ZMYM5: variants seen among roughly 807,000 people sequenced by gnomAD.
The protein encoded by ZMYM5 is zinc finger MYM-type protein 5.
In ZMYM5, 41 loss-of-function variants were observed where a neutral mutation model predicts 61.8. That is an observed-to-expected ratio of 0.66 (90% confidence interval 0.52 to 0.86). ZMYM5 has a LOEUF of 0.86. ZMYM5 is among the 40% of genes least tolerant of loss of function. The pLI, the probability that ZMYM5 is intolerant of heterozygous loss-of-function variation, is 0.00. For missense variants in ZMYM5, 706 were observed against 786.7 expected (o/e 0.90, Z 1.23); for synonymous variants, 257 against 276.4 (o/e 0.93, Z 0.70).
At chr13:19,827,559 T>C (rs1890971609) in intron 7 of ZMYM5, among the ~76,000 whole-genome samples, 1 of 152,230 alleles carries the variant, frequency 6.6e-6, no homozygotes, top group Non-Finnish European at 1.5e-5. Context: ...CAAAGTAGTA[T>C]GTATGTTTAT....
At position 19,836,817 on chromosome 13, in the gene ZMYM5, CTT is replaced by C. The variant is rs200980526; in HGVS notation, c.1038+837_1038+838del. ...CAACACCAAATTTAGTTACCAAAGA[CTT>C]TTATAAAGTGAGGACTGCCTGCATG... On this transcript the variant is annotated intron_variant, in intron 6 of 7. Coordinates refer to ENST00000337963, the MANE Select transcript of ZMYM5 (RefSeq NM_001142684.2). 6.8e-4 allele frequency among the ~76,000 whole-genome samples: 103 copies of C among 152,144 alleles called. 3 individuals are homozygous for C. The East Asian group carries it at 0.018, about 26-fold the overall frequency.
At chr13:19,855,655 T>C (rs934167975) in intron 2 of ZMYM5, among the ~76,000 whole-genome samples, 1 of 151,994 alleles carries the variant, frequency 6.6e-6, no homozygotes, top group Admixed American at 6.6e-5. Flanking sequence ...ACTGCAGTCA[T>C]CTACCTTTAA....
chr13:19,849,263 G>A (rs1027086771), intron 4 of ZMYM5, among the ~76,000 whole-genome samples: 3 of 152,060 alleles, frequency 2.0e-5, no homozygotes, highest in Admixed American at 6.6e-5. Context: ...TGAGTTTACA[G>A]GTGCACATCA....
chr13:19,826,208 T>G (rs1345799624), intron 7 of ZMYM5, among the ~76,000 whole-genome samples: 3 of 151,618 alleles, frequency 2.0e-5, no homozygotes, highest in Non-Finnish European at 4.4e-5. Flanking sequence ...ATAAATTAGA[T>G]GGGTATGGTG....
chr13:19,852,120 T>G lies in ZMYM5; in HGVS notation c.61A>C (p.Asn21His). The change falls in exon 3 of 8, where the codon AAT becomes CAT. Residue 21 changes from asparagine (N) to histidine (H), a missense_variant. Coordinates refer to ENST00000337963, the MANE Select transcript of ZMYM5 (RefSeq NM_001142684.2). ...ATGAGACTAGTTGCCATGGCCATAT[T>G]CCCTAATAAAGCAGGAGTCTGTTCA... ...LTEQTPALLGNMAMATSLMDI... is the reference protein window; with the variant it reads ...LTEQTPALLGHMAMATSLMDI... 6.2e-7 allele frequency: 1 copy of G among 1,613,440 alleles called. No individual in the cohort carries two copies. The highest frequency in any genetic ancestry group is 1.1e-5 in the South Asian group (1 of 91,064).
chr13:19,849,307 G>C (rs1953196730), intron 4 of ZMYM5, among the ~76,000 whole-genome samples: 2 of 151,912 alleles, frequency 1.3e-5, no homozygotes, highest in Non-Finnish European at 1.5e-5. Context: ...ACTTTTTATA[G>C]AGATGAGGTC....
At chr13:19,860,445 TG>T (rs1953699060) in intron 2 of ZMYM5, among the ~76,000 whole-genome samples, 2 of 123,632 alleles carry the variant, frequency 1.6e-5, no homozygotes, top group African/African-American at 5.7e-5. Context: ...TGTGTGTGTG[TG>T]TATGTGTGTG....
rs114703051 is a variant in ZMYM5, at chr13:19,830,968, T to C, written c.1251+4509A>G. On this transcript the variant is annotated intron_variant, in intron 7 of 7. Transcript: ENST00000337963. ...CATTCTCCTGTCTCAGCCTCCAGGG[T>C]AGTTGGGACTACAGGTGCCTGCCAC... 5.0e-3 allele frequency among the ~76,000 whole-genome samples: 738 copies of C among 148,812 alleles called. 9 individuals carry two copies. The highest frequency in any genetic ancestry group is 0.018 in the African/African-American group (714 of 39,964).
At chr13:19,840,244 G>C (rs1223674879) in intron 4 of ZMYM5, among the ~76,000 whole-genome samples, 1 of 152,154 alleles carries the variant, frequency 6.6e-6, no homozygotes, top group Non-Finnish European at 1.5e-5. Flanking sequence ...TTAAGACTCA[G>C]CCTAGGCAGG....
At chr13:19,834,470 T>G (rs931107672) in intron 7 of ZMYM5, among the ~76,000 whole-genome samples, 28 of 150,716 alleles carry the variant, frequency 1.9e-4, no homozygotes, top group Non-Finnish European at 4.0e-4. Context: ...TTTTTTTTTG[T>G]AGAGACAGGG....
intron 6 of ZMYM5, 137 bp from the exon 7 acceptor site, chr13:19,835,826 A>AT (rs753164390): frequency 0.12 from 54,705 of 439,010 alleles, 595 homozygotes; most frequent in Middle Eastern, 0.19. Context: ...CAGGGAAAAG[A>AT]TTTTTTTTTT....
intron 4 of ZMYM5, among the ~76,000 whole-genome samples, chr13:19,848,004 T>C (rs1330649847): frequency 6.6e-6 from 1 of 151,776 alleles, no homozygotes; most frequent in Non-Finnish European, 1.5e-5. Context: ...CAAAAAAATT[T>C]CTGTCGCCCA....
chr13:19,834,811 C>T (rs2138508260), intron 7 of ZMYM5, among the ~76,000 whole-genome samples: 1 of 152,104 alleles, frequency 6.6e-6, no homozygotes, highest in South Asian at 2.1e-4. Context: ...GCCTCAGCTT[C>T]CCAAGTAGCT....
chr13:19,825,205 C>T lies in ZMYM5; in HGVS notation c.1282G>A (p.Ala428Thr). 7.9e-7 allele frequency: 1 copy of T among 1,265,854 alleles called. No homozygotes were observed. Among genetic ancestry groups the T allele is most frequent in the Admixed American group, 3.1e-5 (1 of 31,806 alleles). 78.4% of individuals were successfully genotyped at this position (1,265,854 alleles called of 1,614,324 possible). A position where few individuals can be genotyped will look rare whatever the true frequency, so the allele number is the denominator to read the frequency against. The change falls in exon 8 of 8, where the codon GCA (alanine) becomes ACA (threonine). Residue 428 changes from alanine (A) to threonine (T), a missense_variant. Ala to Thr is a moderately conservative substitution (Grantham distance 58). This residue lies in a region of ZMYM5 where 226 missense variants were observed against 325.0 expected (regional missense o/e 0.70). Coordinates refer to ENST00000337963, the MANE Select transcript of ZMYM5 (RefSeq NM_001142684.2). ...GCATTCCTTTTTCTATTTTCTGATG[C>T]TGTTAATTTTTTTGATTTTGTTTCC... is the stretch of plus-strand genomic sequence containing the variant. The part of the protein sequence containing the change: ...MMETKSKKLT[A>T]SENRKRNAFR...
At chr13:19,843,517 A>T (rs1952960097) in intron 4 of ZMYM5, 1 of 152,098 alleles carries the variant, frequency 6.6e-6, no homozygotes, top group Non-Finnish European at 1.5e-5. Flanking sequence ...AATGTAAGAA[A>T]GTATTATAAA....
At chr13:19,840,405 A>G (rs1452005075) in intron 4 of ZMYM5, among the ~76,000 whole-genome samples, 1 of 151,914 alleles carries the variant, frequency 6.6e-6, no homozygotes, top group Admixed American at 6.6e-5. Flanking sequence ...CCAGCTTCTC[A>G]CTCTGTTGCC....
intron 7 of ZMYM5, among the ~76,000 whole-genome samples, chr13:19,832,096 G>C (rs1371460667): frequency 6.6e-6 from 1 of 151,852 alleles, no homozygotes; most frequent in African/African-American, 2.4e-5. Flanking sequence ...GACCTCAGGT[G>C]ATCTGCCACC....
intron 4 of ZMYM5, among the ~76,000 whole-genome samples, chr13:19,844,808 A>G (rs770248257): frequency 6.6e-6 from 1 of 152,166 alleles, no homozygotes; most frequent in Admixed American, 6.5e-5. Context: ...TTTTTAGCAG[A>G]GACGGGGTTT....
At chr13:19,847,251 G>A (rs962805251) in intron 4 of ZMYM5, among the ~76,000 whole-genome samples, 6 of 152,130 alleles carry the variant, frequency 3.9e-5, no homozygotes, top group African/African-American at 1.4e-4. Flanking sequence ...GCCTGGTGAT[G>A]AAAACTTAAT....
Sources: gnomAD v4.1 joint callset for allele counts (sites outside exome capture counted in the v4.1 genomes callset) on GRCh38, gnomAD v4.1.1 for gene constraint, gnomAD v4.1.1 regional missense constraint, MANE v1.5 for transcripts, NCBI Gene and HGNC (gene_info 2026-07-23, HGNC 2026-07-21) for gene names.